Variants in LTBP1 observed in about 807,000 individuals in gnomAD.
LTBP1 encodes latent-transforming growth factor beta-binding protein 1.
LTBP1 carries 129 observed loss-of-function variants against 207.6 expected under a neutral mutation model. The observed-to-expected ratio is 0.62, with a 90% CI of 0.54 to 0.72. The LOEUF (loss-of-function observed/expected upper bound fraction) is 0.72, where lower values mean the gene tolerates loss of function less well. Ranked by LOEUF, LTBP1 falls within the 30% of genes least tolerant of loss-of-function variation. LTBP1 has a pLI of 0.00. For synonymous variants in LTBP1, 963 were observed against 833.7 expected (o/e 1.16, Z -2.67); for missense variants, 2,281 against 2,217.2 (o/e 1.03, Z -0.58).
At chr2:33,141,673 T>C (rs903795412) in intron 5 of LTBP1, among the ~76,000 whole-genome samples, 19 of 152,110 alleles carry the variant, frequency 1.2e-4, no homozygotes, top group African/African-American at 4.6e-4. Context: ...TGAGATAACA[T>C]TGGAGCAGGG....
intron 3 of LTBP1, among the ~76,000 whole-genome samples, chr2:33,103,518 T>A (rs921168002): frequency 1.3e-5 from 2 of 152,020 alleles, no homozygotes; most frequent in Non-Finnish European, 2.9e-5. Context: ...ACCTCCTAAT[T>A]CTGTTTTGGT....
At chr2:33,083,040 G>T (rs944248651) in intron 3 of LTBP1, among the ~76,000 whole-genome samples, 9 of 152,082 alleles carry the variant, frequency 5.9e-5, no homozygotes, top group African/African-American at 1.7e-4. Flanking sequence ...CCCTTCCCTT[G>T]TTGGGGTCTT....
At chr2:33,017,526 C>T (rs577971232) in intron 2 of LTBP1, among the ~76,000 whole-genome samples, 1 of 152,348 alleles carries the variant, frequency 6.6e-6, no homozygotes, top group South Asian at 2.1e-4. Flanking sequence ...CTGATGCTTG[C>T]TGCCATGTAA....
At chr2:32,992,992 G>A (rs532840820) in intron 2 of LTBP1, among the ~76,000 whole-genome samples, 41 of 152,232 alleles carry the variant, frequency 2.7e-4, no homozygotes, top group African/African-American at 9.9e-4. Flanking sequence ...TTTTTGTTGG[G>A]GAAGGAGGGT....
intron 23 of LTBP1, among the ~76,000 whole-genome samples, chr2:33,312,649 A>G (rs2094204818): frequency 6.6e-6 from 1 of 152,118 alleles, no homozygotes; most frequent in African/African-American, 2.4e-5. Context: ...CTAGTTCCAA[A>G]TATTCATGTT....
intron 2 of LTBP1, among the ~76,000 whole-genome samples, chr2:32,952,720 A>G (rs1274999471): frequency 2.0e-5 from 3 of 151,826 alleles, no homozygotes; most frequent in African/African-American, 7.3e-5. Context: ...CCCCCGTCTC[A>G]GGGTAAGTGC....
chr2:33,016,284 G>A (rs1441421646), intron 2 of LTBP1, among the ~76,000 whole-genome samples: 2 of 152,150 alleles, frequency 1.3e-5, no homozygotes, highest in Non-Finnish European at 2.9e-5. Context: ...GTTAGATGTA[G>A]ATGGCCTTAA....
intron 5 of LTBP1, among the ~76,000 whole-genome samples, chr2:33,150,838 C>T (rs139607835): frequency 0.039 from 5,734 of 145,796 alleles, 384 homozygotes; most frequent in African/African-American, 0.14. Context: ...CAGGTTCAAA[C>T]GATTCTCTTG....
intron 3 of LTBP1, among the ~76,000 whole-genome samples, chr2:33,106,187 C>G (rs1281114722): frequency 6.6e-6 from 1 of 152,212 alleles, no homozygotes; most frequent in Non-Finnish European, 1.5e-5. Context: ...CATTCTCTTG[C>G]TGCTATTTCC....
intron 15 of LTBP1, among the ~76,000 whole-genome samples, chr2:33,267,348 G>A (rs1373367827): frequency 6.6e-6 from 1 of 152,232 alleles, no homozygotes; most frequent in Admixed American, 6.5e-5. Flanking sequence ...CTCAGTGGGT[G>A]CAAGCAAAAC....
chr2:33,107,928 G>C (rs952799553), intron 3 of LTBP1, among the ~76,000 whole-genome samples: 6 of 152,220 alleles, frequency 3.9e-5, no homozygotes, highest in South Asian at 4.2e-4. Context: ...GAGGAGGGAA[G>C]GGAGGAGGAA....
intron 24 of LTBP1, among the ~76,000 whole-genome samples, chr2:33,328,300 T>G (rs1272599339): frequency 1.3e-5 from 2 of 152,090 alleles, no homozygotes; most frequent in Admixed American, 6.6e-5. Flanking sequence ...TTCCCCACCC[T>G]CATATCCAAT....
At chr2:33,230,516 T>C (rs1228311833) in intron 9 of LTBP1, among the ~76,000 whole-genome samples, 2 of 152,202 alleles carry the variant, frequency 1.3e-5, no homozygotes, top group African/African-American at 4.8e-5. Context: ...AACAATATAG[T>C]TATATGCTCT....
rs373748231 is a variant in LTBP1 at position 33,134,730 on chromosome 2, G to A, written c.1034-63G>A. 52 of 1,612,806 alleles carry A rather than the reference G, an allele frequency of 3.2e-5. No individual in the cohort carries two copies. Among genetic ancestry groups the A allele is most frequent in the Non-Finnish European group, 4.2e-5 (50 of 1,179,750 alleles). ...TTTCTGTTTTTTTAAACCTTCCAAG[G>A]CAAGTTCATGGATACTAAGCTGATG... On this transcript the variant is annotated intron_variant, in intron 4 of 33. Transcript: ENST00000404816. The surrounding 1 kb of genome is among the most constrained non-coding windows in gnomAD (Gnocchi z 4.4).
At chr2:33,078,862 C>CTTTTCTTTTTTTTTTTTTTTTTTTTT (rs1367646259) in intron 3 of LTBP1, among the ~76,000 whole-genome samples, 1 of 106,888 alleles carries the variant, frequency 9.4e-6, no homozygotes, top group Non-Finnish European at 1.8e-5. Flanking sequence ...CTTTTCTTTT[C>CTTTTCTTTTTTTTTTTTTTTTTTTTT]TTTTTTTTTT....
chr2:33,350,345 A>G (rs985727710), intron 26 of LTBP1, among the ~76,000 whole-genome samples: 4 of 152,144 alleles, frequency 2.6e-5, no homozygotes, highest in African/African-American at 9.7e-5. Flanking sequence ...ATGGGGTAGG[A>G]TATTAGGAAG....
At position 32,958,172 on chromosome 2, in the gene LTBP1, T is replaced by A. The variant is rs1678404019; in HGVS notation, c.565+9227T>A. Among the ~76,000 whole-genome samples, 3 of 152,202 alleles carry A rather than the reference T, an allele frequency of 2.0e-5. No individual in the cohort carries two copies. In the South Asian group the frequency reaches 6.2e-4, roughly 32 times the overall value. On this transcript the variant is annotated intron_variant, in intron 2 of 33. Coordinates refer to ENST00000404816, the MANE Select transcript of LTBP1 (RefSeq NM_206943.4). Reference sequence around the variant, plus strand: ...CTGTGTAATCTCGGACAGTCAAGCTTGAGACCTGAAGCAGGGCTAAGTTAA... The same window carrying A: ...CTGTGTAATCTCGGACAGTCAAGCTAGAGACCTGAAGCAGGGCTAAGTTAA...
intron 3 of LTBP1, among the ~76,000 whole-genome samples, chr2:33,064,776 T>C (rs995500408): frequency 7.2e-5 from 11 of 152,208 alleles, no homozygotes; most frequent in South Asian, 4.1e-4. Context: ...GATAAAGATA[T>C]GCAGAAACAC....
In LTBP1 at chr2:33,188,621, C is replaced by T. The variant is rs371064393; in HGVS notation, c.1471C>T (p.Pro491Ser). 17 of 1,613,916 alleles carry T rather than the reference C, an allele frequency of 1.1e-5. No individual in the cohort carries two copies. In the East Asian group the frequency reaches 2.0e-4, roughly 19 times the overall value. ...AGTCAATATCCATGTGAAACATCCT[C>T]CTGAAGCTTCCGTCCAGATACATCA... ...NIVNIHVKHP[P>S]EASVQIHQVS... The change falls in exon 7 of 34, where the codon CCT (proline) becomes TCT (serine). Residue 491 changes from proline (P) to serine (S), a missense_variant. Physicochemically the swap from Pro to Ser is moderately conservative, Grantham distance 74. Around this residue, in one of 3 missense-constraint regions of LTBP1, gnomAD observed 1,671 missense variants for 1,634.8 expected, o/e 1.02. Transcript: ENST00000404816.
Sources: gnomAD v4.1 joint callset for allele counts (sites outside exome capture counted in the v4.1 genomes callset) on GRCh38, gnomAD v4.1.1 for gene constraint, gnomAD v4.1.1 regional missense constraint, Gnocchi (gnomAD v3.1) non-coding constraint, MANE v1.5 for transcripts, NCBI Gene and HGNC (gene_info 2026-07-23, HGNC 2026-07-21) for gene names.